Variants in BCAR3 observed in about 807,000 individuals in gnomAD.
BCAR3 encodes breast cancer anti-estrogen resistance protein 3.
A neutral mutation model predicts 80.1 loss-of-function variants in BCAR3; 37 were observed. That is an observed-to-expected ratio of 0.46 (90% CI 0.36 to 0.61). The LOEUF (loss-of-function observed/expected upper bound fraction) is 0.61, where lower values mean the gene tolerates loss of function less well. Among genes scored for constraint, BCAR3 ranks in the 20% least tolerant of loss-of-function variants. The probability of loss-of-function intolerance (pLI) is 0.00; values close to 1 mark genes in which losing one functional copy is unlikely to be tolerated. For synonymous variants in BCAR3, 389 were observed against 418.9 expected, an observed-to-expected ratio of 0.93 and a Z score of 0.87; for missense variants, 978 against 1,068.2, an observed-to-expected ratio of 0.92 and a Z score of 1.18.
At chr1:93,605,993 A>G (rs557204015) in intron 3 of BCAR3, among the ~76,000 whole-genome samples, 10 of 152,336 alleles carry the variant, frequency 6.6e-5, no homozygotes, top group African/African-American at 2.4e-4. Flanking sequence ...ACTAACTACC[A>G]TCTTAGAACT....
intron 2 of BCAR3, among the ~76,000 whole-genome samples, chr1:93,743,017 A>G (rs1651233247): frequency 6.6e-6 from 1 of 152,248 alleles, no homozygotes; most frequent in Non-Finnish European, 1.5e-5. Context: ...TTTATTTTAA[A>G]AAATGCAATC....
rs555216318 is a variant in BCAR3, at chr1:93,773,604, G to A, written c.-62-67462C>T. ...CCTGCTCATGAAAGTCTTAGACCAG[G>A]TTCCAGTTGCACAATCAGCTAGTGC... is the stretch of plus-strand genomic sequence containing the variant. On this transcript the variant is annotated intron_variant, in intron 2 of 13. Coordinates refer to the BCAR3 transcript ENST00000370244. 1.8e-4 allele frequency among the ~76,000 whole-genome samples: 27 copies of A among 152,202 alleles called. No homozygotes were observed. In the South Asian group the frequency reaches 3.7e-3, roughly 21 times the overall value.
intron 2 of BCAR3, among the ~76,000 whole-genome samples, chr1:93,643,227 CA>C (rs1279066105): frequency 1.8e-3 from 198 of 111,280 alleles, no homozygotes; most frequent in South Asian, 2.9e-3. Context: ...AACTCCATCT[CA>C]AAAAAAAAAA....
intron 2 of BCAR3, among the ~76,000 whole-genome samples, chr1:93,746,730 A>C (rs1651371795): frequency 6.6e-6 from 1 of 152,024 alleles, no homozygotes; most frequent in Non-Finnish European, 1.5e-5. Context: ...TTGTCTTTAA[A>C]GGTGATCCAC....
rs370612142 is a variant in BCAR3 at position 93,829,400 on chromosome 1, G to A, written c.-63+16167C>T. Among the ~76,000 whole-genome samples, 5 of 152,082 alleles carry A rather than the reference G, an allele frequency of 3.3e-5. No homozygotes were observed. In the South Asian group the frequency reaches 1.0e-3, roughly 32 times the overall value. On this transcript the variant is annotated intron_variant, in intron 2 of 13. Coordinates refer to the BCAR3 transcript ENST00000370244. ...TGACAAGGAAAAGAGGGTGGGAGATGCCATACTGAATGTACCTGGCTTCCA... is the reference window on the plus strand; with the variant it reads ...TGACAAGGAAAAGAGGGTGGGAGATACCATACTGAATGTACCTGGCTTCCA...
At chr1:93,763,802 AC>A (rs1307539050) in intron 2 of BCAR3, among the ~76,000 whole-genome samples, 1 of 151,992 alleles carries the variant, frequency 6.6e-6, no homozygotes, top group Non-Finnish European at 1.5e-5. Flanking sequence ...GCATTTGCCA[AC>A]CTCCATGGTG....
intron 7 of BCAR3, among the ~76,000 whole-genome samples, chr1:93,580,142 G>C (rs1367333721): frequency 2.0e-5 from 3 of 152,274 alleles, no homozygotes; most frequent in Admixed American, 2.0e-4. Flanking sequence ...TCTGTTGTCA[G>C]CAAGGGTCTT....
chr1:93,773,435 T>C (rs561347353), intron 2 of BCAR3, among the ~76,000 whole-genome samples: 1 of 152,320 alleles, frequency 6.6e-6, no homozygotes, highest in Admixed American at 6.5e-5. Flanking sequence ...GGGACACCCC[T>C]GTGCAGGTGG....
At chr1:93,724,127 G>A (rs892215947) in intron 2 of BCAR3, among the ~76,000 whole-genome samples, 1 of 152,200 alleles carries the variant, frequency 6.6e-6, no homozygotes, top group African/African-American at 2.4e-5. Flanking sequence ...GCTGCAGCCT[G>A]TGCTTGGGCA....
chr1:93,650,450 G>A (rs1676287407), intron 2 of BCAR3, among the ~76,000 whole-genome samples: 1 of 152,162 alleles, frequency 6.6e-6, no homozygotes, highest in Non-Finnish European at 1.5e-5. Context: ...ATGAACACAG[G>A]CTATAAAGCC....
At chr1:93,776,532 T>C (rs916716629) in intron 2 of BCAR3, among the ~76,000 whole-genome samples, 3 of 152,244 alleles carry the variant, frequency 2.0e-5, no homozygotes, top group Non-Finnish European at 4.4e-5. Context: ...ATCTATATAT[T>C]GTATTTGGTT....
rs575751142 is a variant in BCAR3, at chr1:93,615,921, G to T, written c.358-23528C>A. Among the ~76,000 whole-genome samples, 6 of 152,238 alleles carry T rather than the reference G, an allele frequency of 3.9e-5. No homozygotes were observed. In the South Asian group the frequency reaches 1.2e-3, roughly 32 times the overall value. On this transcript the variant is annotated intron_variant, in intron 3 of 11. Coordinates refer to ENST00000260502, the MANE Select transcript of BCAR3 (RefSeq NM_003567.4). ...TCCCAGGCCTGAGAAAAGGGAGGGG[G>T]GCAGTGACTGAAATCCTGCACAGAA...
At chr1:93,841,583 C>T (rs1393118067) in intron 2 of BCAR3, among the ~76,000 whole-genome samples, 1 of 152,228 alleles carries the variant, frequency 6.6e-6, no homozygotes, top group Non-Finnish European at 1.5e-5. Flanking sequence ...GTGGTGCTGC[C>T]TGCCTTAGAC....
intron 2 of BCAR3, among the ~76,000 whole-genome samples, chr1:93,667,992 T>C (rs1233399749): frequency 6.6e-6 from 1 of 152,186 alleles, no homozygotes; most frequent in African/African-American, 2.4e-5. Flanking sequence ...AATTTATAAC[T>C]GCATAGCACC....
At chr1:93,773,436 G>C (rs1000744564) in intron 2 of BCAR3, among the ~76,000 whole-genome samples, 3 of 152,226 alleles carry the variant, frequency 2.0e-5, no homozygotes, top group African/African-American at 7.2e-5. Flanking sequence ...GGACACCCCT[G>C]TGCAGGTGGG....
chr1:93,786,568 C>A (rs1652954778), intron 2 of BCAR3, among the ~76,000 whole-genome samples: 1 of 152,094 alleles, frequency 6.6e-6, no homozygotes, highest in Admixed American at 6.6e-5. Flanking sequence ...TTAGGAGTGA[C>A]TTTTTACACA....
chr1:93,796,808 CAG>C (rs1000001650), intron 2 of BCAR3, among the ~76,000 whole-genome samples: 16 of 152,124 alleles, frequency 1.1e-4, no homozygotes, highest in African/African-American at 3.1e-4. Context: ...GTTCTGGGGA[CAG>C]AACAATTCTT....
intron 2 of BCAR3, among the ~76,000 whole-genome samples, chr1:93,644,842 G>C (rs572512988): frequency 7.5e-4 from 114 of 152,282 alleles, no homozygotes; most frequent in African/African-American, 2.6e-3. Context: ...TGGACCTCCT[G>C]TTTTGGTTGA....
At chr1:93,702,883 A>G (rs1457736117) in intron 3 of BCAR3, among the ~76,000 whole-genome samples, 4 of 152,222 alleles carry the variant, frequency 2.6e-5, no homozygotes, top group African/African-American at 9.6e-5. Context: ...ATAGAATGGC[A>G]GCTGCCCACG....
Sources: allele counts gnomAD v4.1 joint callset (sites outside exome capture counted in the v4.1 genomes callset), GRCh38; gene constraint gnomAD v4.1.1; transcripts MANE v1.5; gene names NCBI Gene and HGNC (gene_info 2026-07-23, HGNC 2026-07-21).